Variants in ZZEF1 observed in about 807,000 individuals in gnomAD.
ZZEF1 encodes zinc finger ZZ-type and EF-hand domain containing 1.
In ZZEF1, 157 loss-of-function variants were observed where a neutral mutation model predicts 342.8. That is an observed-to-expected ratio of 0.46 (90% CI 0.40 to 0.52). The LOEUF is 0.52. Among genes scored for constraint, ZZEF1 ranks in the 20% least tolerant of loss-of-function variants. The probability of loss-of-function intolerance (pLI) is 0.00; values close to 1 mark genes in which losing one functional copy is unlikely to be tolerated. For missense variants in ZZEF1, 3,480 were observed against 3,725.6 expected, an observed-to-expected ratio of 0.93 and a Z score of 1.72; for synonymous variants, 1,505 against 1,429.1, an observed-to-expected ratio of 1.05 and a Z score of -1.20.
chr17:4,102,672 A>T (rs1195098503), intron 8 of ZZEF1, among the ~76,000 whole-genome samples: 1 of 152,246 alleles, frequency 6.6e-6, no homozygotes, highest in Non-Finnish European at 1.5e-5. Flanking sequence ...TTGTTCTGAA[A>T]AAAGGACATT....
At chr17:4,047,466 A>C (rs955672483) in intron 37 of ZZEF1, among the ~76,000 whole-genome samples, 3 of 152,042 alleles carry the variant, frequency 2.0e-5, no homozygotes, top group Non-Finnish European at 2.9e-5. Flanking sequence ...TAACATGGCA[A>C]AACCCCATCC....
In ZZEF1 at chr17:4,142,541, C is replaced by T; in HGVS notation, c.354+1G>A. ...CCCCGCAGTCGCCTGCCGGCCCTGA[C>T]CTCCTCGAACTGCTCGCTAGAGCAG... On this transcript the variant is annotated splice_donor_variant, in intron 1 of 54. Coordinates refer to ENST00000381638, the MANE Select transcript of ZZEF1 (RefSeq NM_015113.4). LOFTEE classifies it high-confidence loss of function. 6.3e-7 allele frequency: 1 copy of T among 1,594,104 alleles called. No homozygotes were observed.
chr17:4,131,114 CCTTT>C (rs1326658390), intron 1 of ZZEF1, among the ~76,000 whole-genome samples: 3 of 152,062 alleles, frequency 2.0e-5, no homozygotes, highest in Non-Finnish European at 4.4e-5. Flanking sequence ...CTCAATCCTC[CCTTT>C]TTCAGAAAGC....
Position 4,004,828 on chromosome 17 carries a change from G to T in ZZEF1, c.*2062C>A, listed in dbSNP as rs866427036. On this transcript the variant is annotated 3_prime_UTR_variant, in exon 55 of 55. Transcript: ENST00000381638. ...CCGGTGGCCGGAGACAGAGGCGGCC[G>T]GGCCGAGCCGGGAGAGCAGCCGCGG... 1 of 152,378 alleles carries T rather than the reference G, an allele frequency of 6.6e-6. No individual in the cohort carries two copies. Among genetic ancestry groups the T allele is most frequent in the African/African-American group, 2.4e-5 (1 of 41,596 alleles). The allele number at this position is 152,378 out of a possible 1,614,324, so 9.4% of individuals were successfully genotyped here.
At position 4,017,172 on chromosome 17, in the gene ZZEF1, C is replaced by T. The variant is rs1190687545; in HGVS notation, c.8001+199G>A. On this transcript the variant is annotated intron_variant, in intron 48 of 54. Coordinates refer to ENST00000381638, the MANE Select transcript of ZZEF1 (RefSeq NM_015113.4). This position sits in a 1 kb window ranked among gnomAD's most constrained non-coding sequence, Gnocchi z 5.1. ...AAAGCTTTCTGGTTCAGCTGGAAAT[C>T]GCGCTCAGGGCCCCTGAGTTCCTCA... 3.0e-6 allele frequency: 2 copies of T among 663,394 alleles called. No individual in the cohort carries two copies. Among genetic ancestry groups the T allele is most frequent in the South Asian group, 2.5e-5 (1 of 39,484 alleles). The allele number at this position is 663,394 out of a possible 1,614,324, so 41.1% of individuals were successfully genotyped here. A position where few individuals can be genotyped will look rare whatever the true frequency, so the allele number is the denominator to read the frequency against.
intron 16 of ZZEF1, among the ~76,000 whole-genome samples, chr17:4,085,449 T>A (rs576747335): frequency 2.0e-5 from 3 of 152,352 alleles, no homozygotes; most frequent in South Asian, 4.1e-4. Context: ...ACTGTCACTT[T>A]GTGAGACATC....
chr17:4,139,522 C>T (rs1057434183), intron 1 of ZZEF1, among the ~76,000 whole-genome samples: 3 of 152,182 alleles, frequency 2.0e-5, no homozygotes, highest in African/African-American at 7.2e-5. Flanking sequence ...AAAGCTTAGA[C>T]GTAGATTAAC....
Position 4,075,385 on chromosome 17 carries a change from A to G in ZZEF1, c.3279T>C (p.His1093=). Residue 1093 remains histidine, a synonymous_variant, in exon 22 of 55, where the codon CAT becomes CAC. Transcript: ENST00000381638. ...TWQQEQPVVL[H]TWTKESAHNY... ...TGTGGGCAGATTCCTTCGTCCACGTATGTAACACCACAGGCTGTTCCTGTT... is the reference window on the plus strand; with the variant it reads ...TGTGGGCAGATTCCTTCGTCCACGTGTGTAACACCACAGGCTGTTCCTGTT... 1 of 1,614,232 alleles carries G rather than the reference A, an allele frequency of 6.2e-7. No individual in the cohort carries two copies. Among genetic ancestry groups the G allele is most frequent in the South Asian group, 1.1e-5 (1 of 91,090 alleles).
At chr17:4,009,529 G>A (rs760725676) in intron 53 of ZZEF1, 75 bp downstream of exon 53, 1 of 1,597,136 alleles carries the variant, frequency 6.3e-7, no homozygotes, top group Admixed American at 1.7e-5. Flanking sequence ...TGAGGCAGCA[G>A]CTTCTGCCCT....
chr17:4,034,068 A>G lies in ZZEF1; in HGVS notation c.6531T>C (p.Asp2177=), dbSNP rs1289801213. The change falls in exon 40 of 55, where the codon GAT becomes GAC. Residue 2177 remains aspartate (D), a synonymous_variant. Transcript: ENST00000381638. ...AGAGCAGGTGGGTGGTTTTCCAGCC[A>G]TCTGGCACAATGGAACTGTCCCCTG... The part of the protein sequence containing the change: ...FAAGDSSIVP[D]GWKTTHLLFS... 1 of 1,614,096 alleles carries G rather than the reference A, an allele frequency of 6.2e-7. No individual in the cohort carries two copies. The highest frequency in any genetic ancestry group is 8.5e-7 in the Non-Finnish European group (1 of 1,180,046).
At chr17:4,127,161 T>C (rs2058585541) in intron 1 of ZZEF1, among the ~76,000 whole-genome samples, 1 of 152,202 alleles carries the variant, frequency 6.6e-6, no homozygotes, top group African/African-American at 2.4e-5. Flanking sequence ...GTTTCACACC[T>C]GGCTGATCCT....
chr17:4,020,411 G>C (rs141006561), intron 45 of ZZEF1, among the ~76,000 whole-genome samples: 73 of 152,328 alleles, frequency 4.8e-4, no homozygotes, highest in African/African-American at 1.7e-3. Flanking sequence ...AAACTCTCCT[G>C]CAAAATCTGT....
In ZZEF1 at chr17:4,064,429, C is replaced by T. The variant is rs751305467; in HGVS notation, c.4650G>A (p.Val1550=). 6 of 1,613,910 alleles carry T rather than the reference C, an allele frequency of 3.7e-6. No homozygotes were observed. The South Asian group carries it at 4.4e-5, about 12-fold the overall frequency. ...CCTTCAGCACAGGGTATTTCTCTTT[C>T]ACTGTGGGCACCAGTCTGGCCTCCT... ...SMEEARLVPT[V]KEKYPVLKDV... Residue 1550 remains valine (V), a synonymous_variant, in exon 29 of 55, where the codon GTG becomes GTA. Transcript: ENST00000381638.
intron 49 of ZZEF1, among the ~76,000 whole-genome samples, chr17:4,015,503 G>A (rs1364647478): frequency 2.0e-5 from 3 of 152,228 alleles, no homozygotes; most frequent in Admixed American, 1.3e-4. Context: ...GGTGGCTCAC[G>A]CCTGTAATCC....
chr17:4,088,752 T>C lies in ZZEF1; in HGVS notation c.2167A>G (p.Thr723Ala), dbSNP rs1256276590. The C allele has an allele frequency of 4.3e-6, 7 of 1,614,116 alleles. No individual in the cohort carries two copies. In the African/African-American group the frequency reaches 8.0e-5, roughly 18 times the overall value. The change falls in exon 13 of 55, where the codon ACA (threonine) becomes GCA (alanine). Residue 723 changes from threonine (T) to alanine (A), a missense_variant. This residue lies in a region of ZZEF1 where 1,528 missense variants were observed against 1,624.1 expected (regional missense o/e 0.94). Transcript: ENST00000381638. ...SVTCAHCRKD[T>A]EESVCGATLL... is the part of the protein sequence containing the mutation. ...GTGGCCCCACAGACACTCTCCTCTG[T>C]GTCCTTTCTGCAGTGTGCACAGGTG... is the stretch of plus-strand genomic sequence containing the variant.
At position 4,064,819 on chromosome 17, in the gene ZZEF1, G is replaced by A. The variant is rs2145235592; in HGVS notation, c.4260C>T (p.Cys1420=). The A allele has an allele frequency of 6.5e-7, 1 of 1,548,358 alleles. No homozygotes were observed. Among genetic ancestry groups the A allele is most frequent in the Non-Finnish European group, 8.7e-7 (1 of 1,145,604 alleles). The part of the protein sequence containing the change: ...EVNPESLAKE[C]IEKSLLLLKF... ...TTAGTAATAGAAGACTCTTCTCAATGCACTCTTTTGCTAGATGCAAACAAG... is the reference window on the plus strand; with the variant it reads ...TTAGTAATAGAAGACTCTTCTCAATACACTCTTTTGCTAGATGCAAACAAG... Residue 1420 remains cysteine (C), a synonymous_variant, in exon 29 of 55, where the codon TGC becomes TGT. Coordinates refer to ENST00000381638, the MANE Select transcript of ZZEF1 (RefSeq NM_015113.4).
At chr17:4,132,162 T>G (rs1316696327) in intron 1 of ZZEF1, among the ~76,000 whole-genome samples, 1 of 151,846 alleles carries the variant, frequency 6.6e-6, no homozygotes, top group Non-Finnish European at 1.5e-5. Context: ...ATATACCGTG[T>G]GCATGTACAA....
intron 39 of ZZEF1, among the ~76,000 whole-genome samples, chr17:4,040,734 C>T (rs961804930): frequency 2.0e-5 from 3 of 152,072 alleles, no homozygotes; most frequent in Admixed American, 1.3e-4. Context: ...TGGGGACAGT[C>T]GGCTGGCACA....
intron 53 of ZZEF1, 35 bp downstream of exon 53, chr17:4,009,569 G>A (rs755515118): frequency 1.9e-4 from 306 of 1,610,814 alleles, no homozygotes; most frequent in Non-Finnish European, 2.3e-4. Context: ...CGCACATGGA[G>A]GCACCGGGCT....
Sources: gnomAD v4.1 joint callset for allele counts (sites outside exome capture counted in the v4.1 genomes callset) on GRCh38, gnomAD v4.1.1 for gene constraint, gnomAD v4.1.1 regional missense constraint, Gnocchi (gnomAD v3.1) non-coding constraint, MANE v1.5 for transcripts, NCBI Gene and HGNC (gene_info 2026-07-23, HGNC 2026-07-21) for gene names.